Variants in SIPA1L3 observed in about 807,000 individuals in gnomAD.
SIPA1L3 encodes signal-induced proliferation-associated 1-like protein 3.
A neutral mutation model predicts 150.1 loss-of-function variants in SIPA1L3; 59 were observed. The observed-to-expected ratio is 0.39, with a 90% CI of 0.32 to 0.49. The LOEUF is 0.49. Ranked by LOEUF, SIPA1L3 falls within the 20% of genes least tolerant of loss-of-function variation. The pLI is 0.86. For synonymous variants in SIPA1L3, 1,070 were observed against 1,077.6 expected (o/e 0.99, Z 0.14); for missense variants, 2,211 against 2,489.5 (o/e 0.89, Z 2.38).
At chr19:38,099,527 C>T (rs941999523) in intron 4 of SIPA1L3, among the ~76,000 whole-genome samples, 1 of 152,076 alleles carries the variant, frequency 6.6e-6, no homozygotes, top group African/African-American at 2.4e-5. Flanking sequence ...ATTATACTCC[C>T]TACTGCCTTA....
rs756536229 is a variant in SIPA1L3 at position 38,082,263 on chromosome 19, G to C, written c.698G>C (p.Arg233Pro). Residue 233 changes from arginine (R) to proline (P), a missense_variant, in exon 3 of 22, where the codon CGA (arginine) becomes CCA (proline). Around this residue, in one of 5 missense-constraint regions of SIPA1L3, gnomAD observed 587 missense variants for 534.5 expected, o/e 1.10. Transcript: ENST00000222345. ...TTCCGCAGCGAGCAGCCCGACGCCC[G>C]AGGGTGCCAGGCCCTCACCGAGCTC... The part of the protein sequence containing the change: ...NEFRSEQPDA[R>P]GCQALTELLR... The C allele has an allele frequency of 6.2e-7, 1 of 1,600,396 alleles. No individual in the cohort carries two copies.
chr19:37,984,584 G>A (rs367803592), intron 1 of SIPA1L3, among the ~76,000 whole-genome samples: 6 of 152,146 alleles, frequency 3.9e-5, no homozygotes, highest in African/African-American at 7.2e-5. Context: ...TCTAAGCCTC[G>A]GTATTCATTT....
intron 1 of SIPA1L3, among the ~76,000 whole-genome samples, chr19:38,011,231 T>G (rs1568501140): frequency 6.6e-6 from 1 of 152,034 alleles, no homozygotes; most frequent in Non-Finnish European, 1.5e-5. Flanking sequence ...TGCCAACACT[T>G]TGGGAGGCCG....
intron 10 of SIPA1L3, 184 bp downstream of exon 10, chr19:38,130,956 A>G (rs755033383): frequency 3.2e-6 from 2 of 630,288 alleles, no homozygotes; most frequent in Non-Finnish European, 5.4e-6. Context: ...ACTGTATGCC[A>G]GTTATTGGTT....
chr19:37,936,014 C>T (rs1568469725), intron 1 of SIPA1L3, among the ~76,000 whole-genome samples: 1 of 152,146 alleles, frequency 6.6e-6, no homozygotes, highest in Non-Finnish European at 1.5e-5. Context: ...TGCTCCAGGT[C>T]ACCATCCTTA....
intron 16 of SIPA1L3, 110 bp from the exon 17 acceptor site, chr19:38,192,035 A>G (rs924925476): frequency 6.2e-6 from 6 of 963,954 alleles, no homozygotes; most frequent in African/African-American, 3.3e-5. Context: ...TGAAGGAGAG[A>G]AGGCTGTGGC....
chr19:38,142,556 C>A lies in SIPA1L3; in HGVS notation c.3396-17C>A. 6.3e-7 allele frequency: 1 copy of A among 1,597,552 alleles called. No homozygotes were observed. The highest frequency in any genetic ancestry group is 8.6e-7 in the Non-Finnish European group (1 of 1,167,968). On this transcript the variant is annotated splice_polypyrimidine_tract_variant and intron_variant, in intron 11 of 21. Transcript: ENST00000222345. ...CCTACTCACCCTCTGCCTCCTTCCT[C>A]CCCTGTCTCCTTCTAGGCCTGTCAG...
intron 1 of SIPA1L3, among the ~76,000 whole-genome samples, chr19:37,950,720 C>T (rs1286339673): frequency 6.6e-6 from 1 of 152,232 alleles, no homozygotes; most frequent in African/African-American, 2.4e-5. Flanking sequence ...CTGCTCCCTC[C>T]GCTGCGAGCC....
chr19:38,055,379 C>T (rs557898085), intron 2 of SIPA1L3, among the ~76,000 whole-genome samples: 7 of 152,300 alleles, frequency 4.6e-5, no homozygotes, highest in East Asian at 1.9e-4. Flanking sequence ...CCCAAGATGA[C>T]GGTTGCACCC....
At position 38,082,801 on chromosome 19, in the gene SIPA1L3, G is replaced by A; in HGVS notation, c.1236G>A (p.Glu412=). The A allele has an allele frequency of 6.2e-7, 1 of 1,613,618 alleles. No homozygotes were observed. Among genetic ancestry groups the A allele is most frequent in the Non-Finnish European group, 8.5e-7 (1 of 1,179,922 alleles). ...ACCTAAACTGCAAGGAGAACTTGGA[G>A]CAGGACCTCGGCGATGACAACAGCA... ...TEDLNCKENL[E]QDLGDDNSND... The change falls in exon 3 of 22, where the codon GAG becomes GAA. Residue 412 remains glutamate (E), a synonymous_variant. Transcript: ENST00000222345.
In SIPA1L3 at chr19:38,150,167, G is replaced by A. The variant is rs558172775; in HGVS notation, c.3534-2673G>A. ...TGAGAAAAGTAAGAATTCACGTTTC[G>A]TACTTCCTGTGTTTGGGCCCTGTTT... On this transcript the variant is annotated intron_variant, in intron 12 of 21. Transcript: ENST00000222345. Among the ~76,000 whole-genome samples, 6 of 152,250 alleles carry A rather than the reference G, an allele frequency of 3.9e-5. No individual in the cohort carries two copies. In the East Asian group the frequency reaches 5.8e-4, roughly 15 times the overall value.
intron 1 of SIPA1L3, chr19:37,963,711 T>G (rs1260048614): frequency 6.6e-6 from 1 of 152,262 alleles, no homozygotes; most frequent in Admixed American, 6.5e-5. Context: ...TGGTTGTGTT[T>G]GGCAATTCTG....
intron 1 of SIPA1L3, among the ~76,000 whole-genome samples, chr19:37,989,090 G>A (rs779918621): frequency 1.3e-4 from 20 of 151,756 alleles, no homozygotes; most frequent in Admixed American, 6.5e-5. Flanking sequence ...GGTGCCTGCC[G>A]TGTAGGAGGT....
At chr19:37,968,925 G>A (rs533694137) in intron 1 of SIPA1L3, among the ~76,000 whole-genome samples, 1 of 152,350 alleles carries the variant, frequency 6.6e-6, no homozygotes, top group South Asian at 2.1e-4. Flanking sequence ...CCTGGGTCAG[G>A]TGTGGAACCC....
intron 16 of SIPA1L3, 50 bp from the exon 17 acceptor site, chr19:38,192,095 G>A: frequency 6.6e-7 from 1 of 1,522,194 alleles, no homozygotes; most frequent in Non-Finnish European, 8.8e-7. Context: ...GCTTTGAAAA[G>A]TGGCTTGAGC....
chr19:38,141,429 G>A lies in SIPA1L3; in HGVS notation c.3389G>A (p.Ser1130Asn). The A allele has an allele frequency of 6.2e-7, 1 of 1,607,942 alleles. No individual in the cohort carries two copies. The highest frequency in any genetic ancestry group is 8.5e-7 in the Non-Finnish European group (1 of 1,179,700). The change falls in exon 11 of 22, where the codon AGC (serine) becomes AAC (asparagine). Residue 1130 changes from serine (S) to asparagine (N), a missense_variant. By Grantham distance (46) the Ser-to-Asn change is conservative. This residue lies in a region of SIPA1L3 where 806 missense variants were observed against 870.1 expected (regional missense o/e 0.93). Transcript: ENST00000222345. The part of the protein sequence containing the change: ...VPFRESQPLH[S>N]KRPVSFPETP... The stretch of plus-strand genomic sequence containing the variant: ...TTCCGGGAGTCCCAGCCACTGCACA[G>A]CAAGAGGTAAGCACCTGCTGGGGGG...
In SIPA1L3 at chr19:38,206,649, A is replaced by G. The variant is rs1007441240; in HGVS notation, c.*409A>G. 6.8e-5 allele frequency: 11 copies of G among 162,924 alleles called. No homozygotes were observed. The highest frequency in any genetic ancestry group is 2.4e-4 in the African/African-American group (10 of 41,866). 10.1% of individuals were successfully genotyped at this position (162,924 alleles called of 1,614,324 possible). A position where few individuals can be genotyped will look rare whatever the true frequency, so the allele number is the denominator to read the frequency against. On this transcript the variant is annotated 3_prime_UTR_variant, in exon 22 of 22. Coordinates refer to ENST00000222345, the MANE Select transcript of SIPA1L3 (RefSeq NM_015073.3). ...AGCAGGTTTCTGCACCACGCACAAC[A>G]AAGTTGCGGCTTGTGGGGCCGAGGC...
chr19:38,085,734 C>G (rs1343081823), intron 3 of SIPA1L3, among the ~76,000 whole-genome samples: 1 of 152,046 alleles, frequency 6.6e-6, no homozygotes, highest in African/African-American at 2.4e-5. Flanking sequence ...TGGCTCATGC[C>G]TGTAATCCCC....
chr19:38,178,571 A>AG (rs1388121046), intron 15 of SIPA1L3, among the ~76,000 whole-genome samples: 23 of 152,092 alleles, frequency 1.5e-4, no homozygotes, highest in Non-Finnish European at 1.5e-5. Flanking sequence ...CGCCTCCCAG[A>AG]TTCATGCCAT....
Sources: gnomAD v4.1 joint callset for allele counts (sites outside exome capture counted in the v4.1 genomes callset) on GRCh38, gnomAD v4.1.1 for gene constraint, gnomAD v4.1.1 regional missense constraint, MANE v1.5 for transcripts, NCBI Gene and HGNC (gene_info 2026-07-23, HGNC 2026-07-21) for gene names.